Variants in DMXL1 observed in about 807,000 individuals in gnomAD.
DMXL1 encodes dmX-like protein 1.
Under a neutral mutation model 319.2 loss-of-function variants are expected in DMXL1, and 99 were observed. The observed-to-expected ratio is 0.31, with a 90% confidence interval of 0.26 to 0.37. The LOEUF (loss-of-function observed/expected upper bound fraction) is 0.37, where lower values mean the gene tolerates loss of function less well. Among genes scored for constraint, DMXL1 ranks in the 10% least tolerant of loss-of-function variants. DMXL1 has a pLI of 1.00. For missense variants in DMXL1, 3,745 were observed against 3,595.6 expected (o/e 1.04, Z -1.06); for synonymous variants, 1,385 against 1,235.2 (o/e 1.12, Z -2.54).
chr5:119,190,604 G>T lies in DMXL1; in HGVS notation c.7314+718G>T, dbSNP rs190022269. Among the ~76,000 whole-genome samples the T allele has an allele frequency of 2.0e-5, 3 of 152,230 alleles. No homozygotes were observed. The East Asian group carries it at 5.8e-4, about 29-fold the overall frequency. ...GGAAATGGCCAACTAAGATGAAAGTGCATCCATAAAAAAAGTGATAGTACT... is the reference window on the plus strand; with the variant it reads ...GGAAATGGCCAACTAAGATGAAAGTTCATCCATAAAAAAAGTGATAGTACT... On this transcript the variant is annotated intron_variant, in intron 29 of 43. Transcript: ENST00000539542.
intron 15 of DMXL1, among the ~76,000 whole-genome samples, chr5:119,146,541 G>C (rs1768582377): frequency 6.6e-6 from 1 of 151,882 alleles, no homozygotes; most frequent in Non-Finnish European, 1.5e-5. Flanking sequence ...GTTCCTATCT[G>C]TTTAGAAATT....
intron 1 of DMXL1, among the ~76,000 whole-genome samples, chr5:119,083,895 C>T (rs921646139): frequency 6.6e-6 from 1 of 152,168 alleles, no homozygotes; most frequent in African/African-American, 2.4e-5. Flanking sequence ...TACTAATTTA[C>T]ATTCCCACCA....
At chr5:119,186,395 C>CT (rs1293669361) in intron 28 of DMXL1, among the ~76,000 whole-genome samples, 3 of 152,134 alleles carry the variant, frequency 2.0e-5, no homozygotes, top group Admixed American at 2.0e-4. Flanking sequence ...GTGGCTGGGA[C>CT]TACAGGCATG....
intron 19 of DMXL1, among the ~76,000 whole-genome samples, chr5:119,157,422 C>T (rs759153424): frequency 6.6e-6 from 1 of 152,148 alleles, no homozygotes; most frequent in Non-Finnish European, 1.5e-5. Flanking sequence ...GTAGTTTTCC[C>T]TCTGTGTTTT....
intron 38 of DMXL1, among the ~76,000 whole-genome samples, chr5:119,226,952 T>G (rs1785690939): frequency 6.6e-6 from 1 of 152,192 alleles, no homozygotes; most frequent in African/African-American, 2.4e-5. Flanking sequence ...GGCACATGGA[T>G]GTGTTCACCA....
At chr5:119,245,286 A>C (rs1464014963) in intron 43 of DMXL1, among the ~76,000 whole-genome samples, 1 of 152,132 alleles carries the variant, frequency 6.6e-6, no homozygotes, top group Non-Finnish European at 1.5e-5. Context: ...ACCCTAGACT[A>C]GGGGGGTTTA....
intron 32 of DMXL1, among the ~76,000 whole-genome samples, chr5:119,200,255 T>C (rs1780452128): frequency 6.6e-6 from 1 of 152,138 alleles, no homozygotes; most frequent in Non-Finnish European, 1.5e-5. Context: ...TTTGTGTATG[T>C]TGCAAGGAAG....
intron 10 of DMXL1, 103 bp from the exon 11 acceptor site, chr5:119,133,029 C>A: frequency 7.8e-7 from 1 of 1,280,798 alleles, no homozygotes; most frequent in Non-Finnish European, 1.1e-6. Context: ...TCTCCTTAGG[C>A]ATGAGATCTC....
intron 13 of DMXL1, among the ~76,000 whole-genome samples, chr5:119,137,053 C>G (rs1053017478): frequency 2.0e-5 from 3 of 152,264 alleles, no homozygotes; most frequent in East Asian, 1.9e-4. Context: ...GCACTCAACA[C>G]TAGCCTGTGA....
Position 119,144,647 on chromosome 5 carries a change from G to C in DMXL1, c.2569+9G>C. On this transcript the variant is annotated intron_variant, in intron 15 of 43. Coordinates refer to ENST00000539542, the MANE Select transcript of DMXL1 (RefSeq NM_001290321.3). The stretch of plus-strand genomic sequence containing the variant: ...CATTTTATCTAATGCAGGTAAGGAA[G>C]AATTATTTATGGAATGAGAAATACT... 3 of 1,528,478 alleles carry C rather than the reference G, an allele frequency of 2.0e-6. No individual in the cohort carries two copies. The highest frequency in any genetic ancestry group is 2.7e-6 in the Non-Finnish European group (3 of 1,120,976). 94.7% of individuals were successfully genotyped at this position (1,528,478 alleles called of 1,614,324 possible).
At chr5:119,214,644 A>T (rs1783371554) in intron 34 of DMXL1, among the ~76,000 whole-genome samples, 1 of 152,170 alleles carries the variant, frequency 6.6e-6, no homozygotes, top group Non-Finnish European at 1.5e-5. Context: ...CATTCTGATT[A>T]TGTATCTGAC....
intron 39 of DMXL1, among the ~76,000 whole-genome samples, chr5:119,235,997 A>G (rs1387272587): frequency 2.6e-5 from 4 of 152,262 alleles, no homozygotes; most frequent in Admixed American, 1.3e-4. Flanking sequence ...ACCTGGGAAA[A>G]TATTATTAAC....
Position 119,117,161 on chromosome 5 carries a change from G to A in DMXL1, c.743+825G>A, listed in dbSNP as rs192594283. 1.2e-4 allele frequency among the ~76,000 whole-genome samples: 19 copies of A among 152,126 alleles called. No homozygotes were observed. The Middle Eastern group carries it at 0.01, about 82-fold the overall frequency. On this transcript the variant is annotated intron_variant, in intron 7 of 43. Transcript: ENST00000539542. ...CTCCCGCCTCAGCGTCTCAAATAGC[G>A]GGGACTACAGGTGTGTGCCACCATG...
chr5:119,140,091 A>G (rs534148916), intron 13 of DMXL1, among the ~76,000 whole-genome samples: 2 of 152,342 alleles, frequency 1.3e-5, no homozygotes, highest in East Asian at 3.9e-4. Flanking sequence ...AAGATATAAC[A>G]TGCCAGAATC....
intron 1 of DMXL1, among the ~76,000 whole-genome samples, chr5:119,096,321 C>A (rs765010196): frequency 4.6e-5 from 7 of 151,898 alleles, no homozygotes; most frequent in Non-Finnish European, 8.8e-5. Flanking sequence ...AGATTACAGG[C>A]ATGCACGACC....
At chr5:119,088,536 G>GT (rs1753876819) in intron 1 of DMXL1, among the ~76,000 whole-genome samples, 1 of 152,162 alleles carries the variant, frequency 6.6e-6, no homozygotes, top group Non-Finnish European at 1.5e-5. Flanking sequence ...GCGTTTTGTT[G>GT]TTTTTCTGGT....
In DMXL1 at chr5:119,167,714, T is replaced by G. The variant is rs1160302787; in HGVS notation, c.5248T>G (p.Leu1750Val). Residue 1750 changes from leucine to valine, a missense_variant, in exon 23 of 44, where the codon TTG becomes GTG. This residue lies in a region of DMXL1 where 1,382 missense variants were observed against 1,269.5 expected (regional missense o/e 1.09). Coordinates refer to ENST00000539542, the MANE Select transcript of DMXL1 (RefSeq NM_001290321.3). ...AYKSILRKKVLGIDSPVSELC... is the reference protein window; with the variant it reads ...AYKSILRKKVVGIDSPVSELC... ...TAAATCTATTTTACGTAAAAAAGTT[T>G]TGGGAATCGATTCTCCTGTCAGTGA... 6.2e-7 allele frequency: 1 copy of G among 1,613,616 alleles called. No homozygotes were observed. Among genetic ancestry groups the G allele is most frequent in the Admixed American group, 1.7e-5 (1 of 59,996 alleles).
chr5:119,197,733 T>A (rs760784668), intron 31 of DMXL1, 22 bp from the exon 32 acceptor site: 2 of 1,609,684 alleles, frequency 1.2e-6, no homozygotes, highest in Non-Finnish European at 1.7e-6. Flanking sequence ...AAGATTAATA[T>A]GAGTCAATGT....
chr5:119,172,458 CTTGTTAAAAGTCTG>C (rs1022410363), intron 25 of DMXL1, among the ~76,000 whole-genome samples: 8 of 152,152 alleles, frequency 5.3e-5, no homozygotes, highest in African/African-American at 1.9e-4. Flanking sequence ...AGCTGCAGTG[CTTGTTAAAAGTCTG>C]GATTCTCAAG....
Sources: gnomAD v4.1 joint callset for allele counts (sites outside exome capture counted in the v4.1 genomes callset) on GRCh38, gnomAD v4.1.1 for gene constraint, gnomAD v4.1.1 regional missense constraint, MANE v1.5 for transcripts, NCBI Gene and HGNC (gene_info 2026-07-23, HGNC 2026-07-21) for gene names.